The following TMEM163 variants were observed in gnomAD, a reference collection of about 807,000 sequenced individuals.
TMEM163 encodes the protein transmembrane protein 163.
A neutral mutation model predicts 29.3 loss-of-function variants in TMEM163; 17 were observed. That is an observed-to-expected ratio of 0.58 (90% CI 0.40 to 0.87). The LOEUF (loss-of-function observed/expected upper bound fraction) is 0.87. Ranked by LOEUF, TMEM163 falls within the 40% of genes least tolerant of loss-of-function variation. The pLI, the probability that TMEM163 is intolerant of heterozygous loss-of-function variation, is 0.00. For synonymous variants in TMEM163, 157 were observed against 160.6 expected, an observed-to-expected ratio of 0.98 and a Z score of 0.17; for missense variants, 303 against 381.5, an observed-to-expected ratio of 0.79 and a Z score of 1.71.
At chr2:134,685,672 G>T (rs1426104410) in intron 2 of TMEM163, among the ~76,000 whole-genome samples, 1 of 152,110 alleles carries the variant, frequency 6.6e-6, no homozygotes, top group African/African-American at 2.4e-5. Context: ...AGCATTTTAT[G>T]CAATCATTAT....
chr2:134,521,016 T>TG (rs1553476782), intron 4 of TMEM163, among the ~76,000 whole-genome samples: 3 of 151,396 alleles, frequency 2.0e-5, no homozygotes, highest in Admixed American at 6.6e-5. Context: ...TTTTTTTTTT[T>TG]GAGAGGCAGC....
At chr2:134,507,787 G>T (rs577940772) in intron 4 of TMEM163, among the ~76,000 whole-genome samples, 2 of 152,256 alleles carry the variant, frequency 1.3e-5, no homozygotes, top group South Asian at 4.1e-4. Context: ...AGCCCAGGAG[G>T]TTATGGCTAT....
intron 2 of TMEM163, among the ~76,000 whole-genome samples, chr2:134,686,393 A>T (rs1684352484): frequency 1.3e-5 from 2 of 152,228 alleles, no homozygotes; most frequent in African/African-American, 4.8e-5. Context: ...ATATTAAAGC[A>T]GGATGGTGGT....
At chr2:134,492,938 C>T (rs946253199) in intron 5 of TMEM163, among the ~76,000 whole-genome samples, 1 of 152,142 alleles carries the variant, frequency 6.6e-6, no homozygotes, top group African/African-American at 2.4e-5. Context: ...TTTTCCAAAG[C>T]GGTTGTAACA....
intron 2 of TMEM163, among the ~76,000 whole-genome samples, chr2:134,665,216 A>G (rs1683847924): frequency 6.6e-6 from 1 of 152,160 alleles, no homozygotes; most frequent in South Asian, 2.1e-4. Context: ...GGACTGGGTA[A>G]TTTATAAAGA....
At position 134,655,497 on chromosome 2, in the gene TMEM163, C is replaced by T. The variant is rs1488386865; in HGVS notation, c.322+57703G>A. ...ACTTCTTTGCCTTTGGTTTGAATGT[C>T]CTCCCGTAGCTCAGAGTAATTTGAT... On this transcript the variant is annotated intron_variant, in intron 2 of 7. Coordinates refer to ENST00000281924, the MANE Select transcript of TMEM163 (RefSeq NM_030923.5). Among the ~76,000 whole-genome samples, 6 of 134,112 alleles carry T rather than the reference C, an allele frequency of 4.5e-5. 1 individual carries two copies. Among genetic ancestry groups the T allele is most frequent in the Non-Finnish European group, 9.2e-5 (6 of 64,976 alleles). The allele number at this position is 134,112 out of a possible 152,430, so 88.0% of individuals were successfully genotyped here.
chr2:134,526,280 C>A (rs1388468820), intron 4 of TMEM163, among the ~76,000 whole-genome samples: 4 of 152,178 alleles, frequency 2.6e-5, no homozygotes, highest in Admixed American at 2.6e-4. Flanking sequence ...ACACATTTAG[C>A]AGGACAACAG....
chr2:134,494,098 C>T (rs1041369116), intron 5 of TMEM163, among the ~76,000 whole-genome samples: 13 of 152,168 alleles, frequency 8.5e-5, no homozygotes, highest in African/African-American at 2.7e-4. Context: ...TGCCAACCCC[C>T]GCCACACACA....
At chr2:134,706,135 T>C (rs950431575) in intron 2 of TMEM163, among the ~76,000 whole-genome samples, 2 of 152,192 alleles carry the variant, frequency 1.3e-5, no homozygotes, top group African/African-American at 4.8e-5. Flanking sequence ...TGAGTCCTCC[T>C]AACAGCCTCA....
intron 4 of TMEM163, among the ~76,000 whole-genome samples, chr2:134,509,816 G>T (rs1432423775): frequency 6.6e-6 from 1 of 152,248 alleles, no homozygotes; most frequent in Non-Finnish European, 1.5e-5. Context: ...GGACAGAACA[G>T]GAAGAAACGA....
intron 2 of TMEM163, among the ~76,000 whole-genome samples, chr2:134,644,981 A>G (rs1382378046): frequency 6.6e-6 from 1 of 152,242 alleles, no homozygotes; most frequent in Non-Finnish European, 1.5e-5. Context: ...TTACTAAAAA[A>G]GATATACAAA....
At chr2:134,502,813 C>T (rs1395772221) in intron 5 of TMEM163, 88 bp downstream of exon 5, 8 of 1,138,806 alleles carry the variant, frequency 7.0e-6, no homozygotes, top group East Asian at 2.5e-5. Context: ...TCAACATGCC[C>T]GACTCCACCC....
chr2:134,515,587 T>C (rs1470331265), intron 4 of TMEM163, among the ~76,000 whole-genome samples: 1 of 152,228 alleles, frequency 6.6e-6, no homozygotes, highest in East Asian at 1.9e-4. Flanking sequence ...TAGTGTTATT[T>C]ATATTTAAAT....
intron 4 of TMEM163, among the ~76,000 whole-genome samples, chr2:134,550,129 C>T (rs576369562): frequency 2.0e-5 from 3 of 152,196 alleles, no homozygotes; most frequent in East Asian, 1.9e-4. Flanking sequence ...ATATGAAGAC[C>T]GGGGCAAGCA....
intron 4 of TMEM163, among the ~76,000 whole-genome samples, chr2:134,542,757 TG>T (rs1166118914): frequency 6.6e-6 from 1 of 152,218 alleles, no homozygotes; most frequent in South Asian, 2.1e-4. Context: ...CCCACAGTTC[TG>T]GAGGCTACAA....
Position 134,718,854 on chromosome 2 carries a change from C to G in TMEM163, c.82G>C (p.Ala28Pro). The G allele has an allele frequency of 2.7e-6, 3 of 1,116,356 alleles. No individual in the cohort carries two copies. The highest frequency in any genetic ancestry group is 3.3e-6 in the Non-Finnish European group (3 of 915,032). The allele number at this position is 1,116,356 out of a possible 1,614,324, so 69.2% of individuals were successfully genotyped here. ...AGCGGGGCCGGGCCGGGGGCGGCAG[C>G]CGGTGGCGCGTGGCCCCGGGGCGGC... ...PPPPRGHAPPAAAPGPAPLSS... is the reference protein window; with the variant it reads ...PPPPRGHAPPPAAPGPAPLSS... Residue 28 changes from alanine to proline, a missense_variant, in exon 1 of 8, where the codon GCT becomes CCT. Ala to Pro is a conservative substitution (Grantham distance 27, BLOSUM62 -1). Transcript: ENST00000281924.
At chr2:134,680,880 T>G (rs532335264) in intron 2 of TMEM163, among the ~76,000 whole-genome samples, 1 of 152,332 alleles carries the variant, frequency 6.6e-6, no homozygotes, top group Admixed American at 6.5e-5. Flanking sequence ...TCTGTGGAGT[T>G]GTCATGAGAA....
intron 4 of TMEM163, among the ~76,000 whole-genome samples, chr2:134,535,435 C>T (rs910677353): frequency 1.3e-4 from 20 of 152,214 alleles, no homozygotes; most frequent in African/African-American, 4.8e-4. Context: ...TTTTTATTAA[C>T]TCTTCCATGT....
chr2:134,622,081 G>A (rs1682752150), intron 2 of TMEM163, among the ~76,000 whole-genome samples: 1 of 152,112 alleles, frequency 6.6e-6, no homozygotes. Context: ...TGTATTGCGT[G>A]GTTCGATTTA....
Sources: gnomAD v4.1 joint callset for allele counts (sites outside exome capture counted in the v4.1 genomes callset) on GRCh38, gnomAD v4.1.1 for gene constraint, MANE v1.5 for transcripts, NCBI Gene and HGNC (gene_info 2026-07-23, HGNC 2026-07-21) for gene names.